GALNT2: variants seen among roughly 807,000 people sequenced by gnomAD.
GALNT2 encodes the protein UDP-GalNAc:polypeptide N-acetylgalactosaminyltransferase 2.
GALNT2 carries 31 observed loss-of-function variants against 81.4 expected under a neutral mutation model. The observed-to-expected ratio is 0.38, with a 90% confidence interval of 0.29 to 0.51. The LOEUF (loss-of-function observed/expected upper bound fraction) is 0.51, where lower values mean the gene tolerates loss of function less well. GALNT2 is among the 20% of genes least tolerant of loss of function. The pLI is 0.87. For synonymous variants in GALNT2, 303 were observed against 287.4 expected, an observed-to-expected ratio of 1.05 and a Z score of -0.55; for missense variants, 629 against 765.7, an observed-to-expected ratio of 0.82 and a Z score of 2.11.
At chr1:230,090,222 A>G (rs187787884) in intron 1 of GALNT2, among the ~76,000 whole-genome samples, 332 of 152,246 alleles carry the variant, frequency 2.2e-3, no homozygotes, top group Non-Finnish European at 3.5e-3. Context: ...ATCCCAGGCA[A>G]CCTCTTCTGG....
intron 3 of GALNT2, among the ~76,000 whole-genome samples, chr1:230,226,839 A>C (rs978060674): frequency 6.6e-6 from 1 of 152,218 alleles, no homozygotes; most frequent in African/African-American, 2.4e-5. Context: ...GGTAGCTGAA[A>C]TCAATCACTC....
intron 6 of GALNT2, 134 bp downstream of exon 6, chr1:230,236,859 G>A: frequency 1.4e-6 from 1 of 738,376 alleles, no homozygotes; most frequent in Non-Finnish European, 2.1e-6. Flanking sequence ...GAGCCGCTTG[G>A]GAGACTTCTC....
At chr1:230,154,838 G>A (rs1480700226) in intron 1 of GALNT2, among the ~76,000 whole-genome samples, 2 of 152,176 alleles carry the variant, frequency 1.3e-5, no homozygotes, top group Admixed American at 6.5e-5. Context: ...CCAGTTTGTA[G>A]TACTTTATTA....
intron 1 of GALNT2, among the ~76,000 whole-genome samples, chr1:230,097,005 T>G (rs1660271510): frequency 6.6e-6 from 1 of 152,298 alleles, no homozygotes; most frequent in East Asian, 1.9e-4. Flanking sequence ...TCATACTAAG[T>G]TACTGTCCAA....
chr1:230,230,141 A>G (rs1664826870), intron 3 of GALNT2, among the ~76,000 whole-genome samples: 1 of 152,208 alleles, frequency 6.6e-6, no homozygotes, highest in Non-Finnish European at 1.5e-5. Flanking sequence ...GTTGCTGCCA[A>G]GAGGCCACAG....
intron 1 of GALNT2, among the ~76,000 whole-genome samples, chr1:230,127,677 GT>G (rs35125935): frequency 0.28 from 41,070 of 147,942 alleles, 5,631 homozygotes; most frequent in African/African-American, 0.33. Context: ...CCGGCCGAGG[GT>G]TTTTTTTTTT....
intron 14 of GALNT2, among the ~76,000 whole-genome samples, chr1:230,269,353 T>C (rs945399929): frequency 1.2e-4 from 18 of 152,010 alleles, no homozygotes; most frequent in African/African-American, 4.3e-4. Context: ...ACCCGGCTAA[T>C]TTTTGTATGT....
In GALNT2 at chr1:230,262,745, G is replaced by A. The variant is rs79804000; in HGVS notation, c.1229+80G>A. On this transcript the variant is annotated intron_variant, in intron 12 of 15. Transcript: ENST00000366672. ...TGGGAGGTAAGGGGCTGCCCCCAGC[G>A]TTGAATTCAGCTACCCAGGTGCCAA... 3.8e-4 allele frequency: 533 copies of A among 1,419,760 alleles called. 3 individuals are homozygous for A. Among genetic ancestry groups the A allele is most frequent in the African/African-American group, 3.5e-3 (249 of 70,936 alleles). The allele number at this position is 1,419,760 out of a possible 1,614,324, so 87.9% of individuals were successfully genotyped here.
intron 1 of GALNT2, among the ~76,000 whole-genome samples, chr1:230,173,925 T>C (rs1662874838): frequency 6.6e-6 from 1 of 152,144 alleles, no homozygotes; most frequent in South Asian, 2.1e-4. Flanking sequence ...TCAGCTGCAT[T>C]TATTATTGAG....
intron 1 of GALNT2, among the ~76,000 whole-genome samples, chr1:230,079,557 G>C (rs989785820): frequency 2.0e-5 from 3 of 152,250 alleles, no homozygotes; most frequent in African/African-American, 7.2e-5. Flanking sequence ...TAAAGCTATA[G>C]TTCGTGAAAC....
intron 2 of GALNT2, among the ~76,000 whole-genome samples, chr1:230,184,225 A>G (rs1026294765): frequency 2.4e-4 from 34 of 144,298 alleles, no homozygotes; most frequent in African/African-American, 7.0e-4. Context: ...GTCTCGCTCT[A>G]TTACCCAGGC....
intron 1 of GALNT2, among the ~76,000 whole-genome samples, chr1:230,130,640 C>T (rs57733014): frequency 6.6e-6 from 1 of 152,336 alleles, no homozygotes; most frequent in South Asian, 2.1e-4. Flanking sequence ...CATGCAGGAG[C>T]AGAAGGACAA....
chr1:230,128,257 A>ATGTGTGTGTGTGTG (rs59410758), intron 1 of GALNT2, among the ~76,000 whole-genome samples: 10,068 of 149,784 alleles, frequency 0.067, 805 homozygotes, highest in East Asian at 0.33. Flanking sequence ...GCGCTGGAGA[A>ATGTGTGTGTGTGTG]TGTGTGTGTG....
intron 1 of GALNT2, among the ~76,000 whole-genome samples, chr1:230,069,446 T>C (rs560374353): frequency 5.8e-4 from 88 of 152,320 alleles, no homozygotes; most frequent in African/African-American, 2.0e-3. Flanking sequence ...CCCCTTAGGA[T>C]GCTTTAGTGA....
In GALNT2 at chr1:230,271,466, A is replaced by G. The variant is rs1666159536; in HGVS notation, c.1441-2979A>G. On this transcript the variant is annotated intron_variant, in intron 14 of 15. Coordinates refer to ENST00000366672, the MANE Select transcript of GALNT2 (RefSeq NM_004481.5). The surrounding 1 kb of genome is among the most constrained non-coding windows in gnomAD (Gnocchi z 4.2). Reference sequence around the variant, plus strand: ...TGTCATGCCTGTCAACTCAGTTCTGACACTGCCTACCCAGAGTTAGCACAG... The same window carrying G: ...TGTCATGCCTGTCAACTCAGTTCTGGCACTGCCTACCCAGAGTTAGCACAG... 6.6e-6 allele frequency among the ~76,000 whole-genome samples: 1 copy of G among 152,164 alleles called. No individual in the cohort carries two copies. The highest frequency in any genetic ancestry group is 1.5e-5 in the Non-Finnish European group (1 of 68,040).
At chr1:230,185,692 C>G (rs1253648646) in intron 2 of GALNT2, among the ~76,000 whole-genome samples, 3 of 152,180 alleles carry the variant, frequency 2.0e-5, no homozygotes, top group Non-Finnish European at 4.4e-5. Flanking sequence ...TGGCTTCTTT[C>G]AAAATGGTTA....
intron 1 of GALNT2, among the ~76,000 whole-genome samples, chr1:230,100,694 A>G (rs1660378125): frequency 6.6e-6 from 1 of 152,216 alleles, no homozygotes; most frequent in Non-Finnish European, 1.5e-5. Context: ...GTGTAGGCAC[A>G]GGGAACCGAA....
chr1:230,093,825 GCTATACC>G (rs1283164037), intron 1 of GALNT2, among the ~76,000 whole-genome samples: 1 of 152,140 alleles, frequency 6.6e-6, no homozygotes, highest in Non-Finnish European at 1.5e-5. Flanking sequence ...TGTGTAGTAG[GCTATACC>G]ACCTCGTTTT....
At chr1:230,222,630 C>A (rs1248481336) in intron 3 of GALNT2, among the ~76,000 whole-genome samples, 2 of 151,534 alleles carry the variant, frequency 1.3e-5, no homozygotes, top group Non-Finnish European at 2.9e-5. Flanking sequence ...AGATTTTTTT[C>A]TCCTGACTTT....
Sources: gnomAD v4.1 joint callset for allele counts (sites outside exome capture counted in the v4.1 genomes callset) on GRCh38, gnomAD v4.1.1 for gene constraint, Gnocchi (gnomAD v3.1) non-coding constraint, MANE v1.5 for transcripts, NCBI Gene and HGNC (gene_info 2026-07-23, HGNC 2026-07-21) for gene names.